The following DOCK4 variants were observed in gnomAD, a reference collection of about 807,000 sequenced individuals.
DOCK4 encodes the protein dedicator of cytokinesis 4.
In DOCK4, 97 loss-of-function variants were observed where a neutral mutation model predicts 268.1. That is an observed-to-expected ratio of 0.36 (90% confidence interval 0.31 to 0.43). The LOEUF is 0.43. Ranked by LOEUF, DOCK4 falls within the 20% of genes least tolerant of loss-of-function variation. The pLI is 1.00. For missense variants in DOCK4, 2,145 were observed against 2,455.7 expected (o/e 0.87, Z 2.67); for synonymous variants, 954 against 887.2 (o/e 1.08, Z -1.34).
At chr7:111,898,719 G>A (rs751999888) in intron 15 of DOCK4, among the ~76,000 whole-genome samples, 29 of 152,172 alleles carry the variant, frequency 1.9e-4, no homozygotes, top group Non-Finnish European at 3.1e-4. Context: ...TTCATAGTTT[G>A]TGGTATTATC....
intron 1 of DOCK4, among the ~76,000 whole-genome samples, chr7:112,155,411 C>A (rs915145413): frequency 2.0e-5 from 3 of 152,130 alleles, no homozygotes; most frequent in Admixed American, 6.5e-5. Context: ...CCTTCCCCAA[C>A]TGAATTAAGA....
intron 1 of DOCK4, among the ~76,000 whole-genome samples, chr7:112,122,339 C>A (rs1436173709): frequency 6.6e-6 from 1 of 152,162 alleles, no homozygotes; most frequent in Non-Finnish European, 1.5e-5. Context: ...TCTGTCCCCC[C>A]AACCTCTAGG....
At chr7:111,906,915 C>T (rs1302973558) in intron 13 of DOCK4, among the ~76,000 whole-genome samples, 3 of 152,168 alleles carry the variant, frequency 2.0e-5, no homozygotes, top group Non-Finnish European at 4.4e-5. Flanking sequence ...ACTAGCTCAT[C>T]CTCTGACCTC....
At chr7:111,758,841 G>C (rs927706830) in intron 40 of DOCK4, 51 bp from the exon 41 acceptor site, 57 of 1,579,956 alleles carry the variant, frequency 3.6e-5, no homozygotes, top group Non-Finnish European at 4.8e-5. Flanking sequence ...CTCCATGGAA[G>C]TCTGGCTTGG....
intron 1 of DOCK4, among the ~76,000 whole-genome samples, chr7:112,071,413 C>T (rs1005227983): frequency 1.3e-5 from 2 of 151,984 alleles, no homozygotes; most frequent in African/African-American, 2.4e-5. Flanking sequence ...CAATACTGAC[C>T]GAGGAGAAAC....
chr7:111,936,933 T>C (rs1449027478), intron 11 of DOCK4, among the ~76,000 whole-genome samples: 1 of 152,184 alleles, frequency 6.6e-6, no homozygotes, highest in East Asian at 1.9e-4. Flanking sequence ...AAAATTAAGA[T>C]GGAATGAAAC....
chr7:111,871,972 C>T lies in DOCK4; in HGVS notation c.2027+18G>A. 6.6e-7 allele frequency: 1 copy of T among 1,514,734 alleles called. No individual in the cohort carries two copies. Among genetic ancestry groups the T allele is most frequent in the Non-Finnish European group, 8.9e-7 (1 of 1,129,788 alleles). The allele number at this position is 1,514,734 out of a possible 1,614,324, so 93.8% of individuals were successfully genotyped here. A position where few individuals can be genotyped will look rare whatever the true frequency, so the allele number is the denominator to read the frequency against. On this transcript the variant is annotated intron_variant, in intron 20 of 52. Transcript: ENST00000428084. Reference sequence around the variant, plus strand: ...AAAGGAACCACTTCTAAACTAATTACAAGATACAGGGCCTTACCTGTATGC... The same window carrying T: ...AAAGGAACCACTTCTAAACTAATTATAAGATACAGGGCCTTACCTGTATGC...
chr7:111,739,208 G>A lies in DOCK4; in HGVS notation c.5158C>T (p.Arg1720Ter), dbSNP rs913109761. Residue 1720 changes from arginine (R) to a stop codon, truncating the protein, a stop_gained, in exon 49 of 53, where the codon CGA (arginine) becomes TGA (stop). Transcript: ENST00000428084. LOFTEE classifies it high-confidence loss of function. ...PLLSDKHKHS[R>*]ENSCLSPRER... ...CTTGGTGACAGGCAAGAGTTTTCTC[G>A]GGAATGTTTGTGTTTGTCAGACAAC... 1 of 1,613,998 alleles carries A rather than the reference G, an allele frequency of 6.2e-7. No individual in the cohort carries two copies. Among genetic ancestry groups the A allele is most frequent in the Non-Finnish European group, 8.5e-7 (1 of 1,179,884 alleles).
chr7:112,026,606 T>C (rs962015106), intron 1 of DOCK4, among the ~76,000 whole-genome samples: 5 of 152,224 alleles, frequency 3.3e-5, no homozygotes, highest in African/African-American at 1.2e-4. Flanking sequence ...AAAAGAGTAA[T>C]ATTTTGTGAC....
intron 8 of DOCK4, among the ~76,000 whole-genome samples, chr7:111,975,889 C>A (rs921923959): frequency 1.3e-5 from 2 of 151,526 alleles, no homozygotes; most frequent in African/African-American, 4.9e-5. Flanking sequence ...ATAGGCCAGG[C>A]GCAGTGACTC....
At chr7:112,147,248 G>A (rs191234423) in intron 1 of DOCK4, among the ~76,000 whole-genome samples, 4 of 152,274 alleles carry the variant, frequency 2.6e-5, no homozygotes, top group Non-Finnish European at 5.9e-5. Context: ...TACAACCCAC[G>A]TAAGTCTAAT....
intron 5 of DOCK4, among the ~76,000 whole-genome samples, chr7:111,991,585 T>C (rs948500133): frequency 5.3e-5 from 8 of 151,822 alleles, no homozygotes; most frequent in African/African-American, 1.9e-4. Flanking sequence ...ACAGTACAGG[T>C]TTTGGCAGCA....
intron 42 of DOCK4, among the ~76,000 whole-genome samples, chr7:111,754,336 C>T (rs1453403198): frequency 3.3e-5 from 5 of 152,028 alleles, no homozygotes; most frequent in Non-Finnish European, 7.4e-5. Context: ...CATGATAGGC[C>T]GAGAGTAGTT....
rs186031092 is a variant in DOCK4 at position 111,822,414 on chromosome 7, G to T, written c.2878C>A (p.Arg960Ser). Residue 960 changes from arginine to serine, a missense_variant, in exon 27 of 53, where the codon CGC becomes AGC. Transcript: ENST00000428084. Reference sequence around the variant, plus strand: ...CAGTCCTTTGGAAACATCTCCGGGCGTATCAATATTCGGAACACAGTAAAT... The same window carrying T: ...CAGTCCTTTGGAAACATCTCCGGGCTTATCAATATTCGGAACACAGTAAAT... ...QIFTVFRILIRPEMFPKDWTV... is the reference protein window; with the variant it reads ...QIFTVFRILISPEMFPKDWTV... The T allele has an allele frequency of 2.5e-3, 4,111 of 1,613,514 alleles. 8 individuals carry two copies. The highest frequency in any genetic ancestry group is 3.3e-3 in the Non-Finnish European group (3,860 of 1,179,694).
chr7:111,880,006 A>G (rs951560478), intron 16 of DOCK4, among the ~76,000 whole-genome samples: 1 of 152,244 alleles, frequency 6.6e-6, no homozygotes, highest in Non-Finnish European at 1.5e-5. Flanking sequence ...ATAGTGCTAG[A>G]AAGTTTCTTT....
intron 38 of DOCK4, among the ~76,000 whole-genome samples, chr7:111,766,427 A>G (rs1797765100): frequency 6.6e-6 from 1 of 152,314 alleles, no homozygotes; most frequent in East Asian, 1.9e-4. Context: ...GTATTACAAG[A>G]TGACACAAAC....
At position 111,989,091 on chromosome 7, in the gene DOCK4, G is replaced by T; in HGVS notation, c.388C>A (p.Leu130Met). Residue 130 changes from leucine (L) to methionine (M), a missense_variant, in exon 6 of 53, where the codon CTG becomes ATG. Coordinates refer to ENST00000428084, the MANE Select transcript of DOCK4 (RefSeq NM_001363540.2). ...CGGTCGTGGGTGAGGTGGCCCACCA[G>T]CACCTGCCGCCTCAGGTCCAGGATT... ...NEILDLRRQV[L>M]VGHLTHDRMK... 2 of 1,614,036 alleles carry T rather than the reference G, an allele frequency of 1.2e-6. No individual in the cohort carries two copies. Among genetic ancestry groups the T allele is most frequent in the East Asian group, 4.5e-5 (2 of 44,882 alleles).
intron 23 of DOCK4, among the ~76,000 whole-genome samples, chr7:111,858,577 G>C (rs1021488348): frequency 2.0e-5 from 3 of 152,150 alleles, no homozygotes; most frequent in African/African-American, 7.2e-5. Context: ...CTAGGACAAT[G>C]GTCTTCTCTT....
intron 1 of DOCK4, among the ~76,000 whole-genome samples, chr7:112,154,664 A>G (rs1816443523): frequency 6.6e-6 from 1 of 152,170 alleles, no homozygotes; most frequent in Non-Finnish European, 1.5e-5. Flanking sequence ...CCTCCATGAG[A>G]TAAAGACTCT....
Sources: allele counts gnomAD v4.1 joint callset (sites outside exome capture counted in the v4.1 genomes callset), GRCh38; gene constraint gnomAD v4.1.1; transcripts MANE v1.5; gene names NCBI Gene and HGNC (gene_info 2026-07-23, HGNC 2026-07-21).